Variants in CNGA4 observed in about 807,000 individuals in gnomAD.
The protein encoded by CNGA4 is cyclic nucleotide-gated channel alpha-4.
In CNGA4, 32 loss-of-function variants were observed where a neutral mutation model predicts 45.6. The observed-to-expected ratio is 0.70, with a 90% CI of 0.53 to 0.94. The LOEUF (loss-of-function observed/expected upper bound fraction) is 0.94, where lower values mean the gene tolerates loss of function less well. CNGA4 is among the 40% of genes least tolerant of loss of function. The pLI is 0.00. For synonymous variants in CNGA4, 293 were observed against 304.6 expected, an observed-to-expected ratio of 0.96 and a Z score of 0.40; for missense variants, 726 against 755.1, an observed-to-expected ratio of 0.96 and a Z score of 0.45.
At position 6,240,808 on chromosome 11, in the gene CNGA4, G is replaced by A; in HGVS notation, c.917+97G>A. ...CCTTAGTGCCTGGTGAGCCAGGCAA[G>A]GCTGTCAAAATGTAGCATTCAGCCG... On this transcript the variant is annotated intron_variant, in intron 4 of 5. Transcript: ENST00000379936. The surrounding 1 kb of genome is among the most constrained non-coding windows in gnomAD (Gnocchi z 4.9). 2 of 1,439,306 alleles carry A rather than the reference G, an allele frequency of 1.4e-6. No individual in the cohort carries two copies. The highest frequency in any genetic ancestry group is 1.9e-6 in the Non-Finnish European group (2 of 1,059,012). The allele number at this position is 1,439,306 out of a possible 1,614,324, so 89.2% of individuals were successfully genotyped here.
rs1847877628 is a variant in CNGA4, at chr11:6,239,414, G to A, written c.93G>A (p.Gly31=). Residue 31 remains glycine (G), a synonymous_variant, in exon 2 of 6, where the codon GGG becomes GGA. Coordinates refer to ENST00000379936, the MANE Select transcript of CNGA4 (RefSeq NM_001037329.4). ...RKLLPVLDPS[G]DYYYWWLNTM... Reference sequence around the variant, plus strand: ...TGCTGCCTGTCCTGGACCCATCTGGGGATTACTACTACTGGTGGCTGAACA... The same window carrying A: ...TGCTGCCTGTCCTGGACCCATCTGGAGATTACTACTACTGGTGGCTGAACA... 1.2e-6 allele frequency: 2 copies of A among 1,614,202 alleles called. No individual in the cohort carries two copies. Among genetic ancestry groups the A allele is most frequent in the Non-Finnish European group, 1.7e-6 (2 of 1,180,034 alleles).
chr11:6,239,928 C>A, intron 3 of CNGA4, 138 bp downstream of exon 3: 1 of 1,359,326 alleles, frequency 7.4e-7, no homozygotes, highest in Non-Finnish European at 1.0e-6. Flanking sequence ...CCAGTGCTCA[C>A]CCCGGAAAGC....
chr11:6,235,632 G>A, upstream of CNGA4: 2 of 828,416 alleles, frequency 2.4e-6, no homozygotes, highest in Non-Finnish European at 1.5e-6. Context: ...TTTCAGATAA[G>A]GCATGTAGTT....
In CNGA4 at chr11:6,242,020, C is replaced by T. The variant is rs1847926863; in HGVS notation, c.1267+240C>T. ...GTTCGTGGAAGAGAGAGTAGACTTG[C>T]TCTGTGGATATTCACCTGAAGCACC... On this transcript the variant is annotated intron_variant, in intron 5 of 5. Transcript: ENST00000379936. The T allele has an allele frequency of 5.4e-6, 3 of 551,210 alleles. No individual in the cohort carries two copies. The African/African-American group carries it at 5.6e-5, about 10-fold the overall frequency. The allele number at this position is 551,210 out of a possible 1,614,324, so 34.1% of individuals were successfully genotyped here. A position where few individuals can be genotyped will look rare whatever the true frequency, so the allele number is the denominator to read the frequency against.
chr11:6,240,631 C>T lies in CNGA4; in HGVS notation c.837C>T (p.Phe279=). 1 of 1,614,230 alleles carries T rather than the reference C, an allele frequency of 6.2e-7. No individual in the cohort carries two copies. Among genetic ancestry groups the T allele is most frequent in the East Asian group, 2.2e-5 (1 of 44,876 alleles). The change falls in exon 4 of 6, where the codon TTC becomes TTT. Residue 279 remains phenylalanine, a synonymous_variant. Transcript: ENST00000379936. The surrounding 1 kb of genome is among the most constrained non-coding windows in gnomAD (Gnocchi z 4.9). Reference sequence around the variant, plus strand: ...ACATGAACACTGCAGATGCGGCTTTCTACCCAGATCATGCACTGGTGAAGA... The same window carrying T: ...ACATGAACACTGCAGATGCGGCTTTTTACCCAGATCATGCACTGGTGAAGA... ...IYNMNTADAA[F]YPDHALVKKY...
At chr11:6,237,722 A>T (rs1014243195), upstream of CNGA4, among the ~76,000 whole-genome samples, 41 of 152,232 alleles carry the variant, frequency 2.7e-4, no homozygotes, top group Non-Finnish European at 8.8e-5. Context: ...CTTTGCAAAA[A>T]GAAATTAAGA....
At chr11:6,239,663 A>C in intron 2 of CNGA4, 21 bp from the exon 3 acceptor site, 1 of 1,612,384 alleles carries the variant, frequency 6.2e-7, no homozygotes, top group Non-Finnish European at 8.5e-7. Context: ...TAATTCAATC[A>C]TGCTTAACCC....
chr11:6,239,059 T>C (rs1847871569), upstream of CNGA4: 6 of 1,514,412 alleles, frequency 4.0e-6, no homozygotes, highest in Middle Eastern at 2.5e-4. Flanking sequence ...CTGGTTGTGT[T>C]GCTAAGAGCC....
rs1564878613 is a variant in CNGA4, at chr11:6,241,705, G to A, written c.1192G>A (p.Asp398Asn). 3 of 1,614,108 alleles carry A rather than the reference G, an allele frequency of 1.9e-6. No individual in the cohort carries two copies. The highest frequency in any genetic ancestry group is 2.5e-6 in the Non-Finnish European group (3 of 1,180,062). ...AGAGGGTCAACTGGCCGTGGTGGCA[G>A]ATGATGGTATCACACAGTATGCTGT... The part of the protein sequence containing the change: ...IREGQLAVVA[D>N]DGITQYAVLG... Residue 398 changes from aspartate (D) to asparagine (N), a missense_variant, in exon 5 of 6, where the codon GAT becomes AAT. Coordinates refer to ENST00000379936, the MANE Select transcript of CNGA4 (RefSeq NM_001037329.4).
chr11:6,244,432 C>A lies in CNGA4; in HGVS notation c.*23C>A. 5.7e-6 allele frequency: 9 copies of A among 1,580,682 alleles called. No homozygotes were observed. Among genetic ancestry groups the A allele is most frequent in the Non-Finnish European group, 7.8e-6 (9 of 1,160,992 alleles). On this transcript the variant is annotated 3_prime_UTR_variant, in exon 6 of 6. Transcript: ENST00000379936. This position sits in a 1 kb window ranked among gnomAD's most constrained non-coding sequence, Gnocchi z 4.5. Reference sequence around the variant, plus strand: ...TGACCCCATCCCCATCCCCAGGATTCCCACCTCCTAGTGAATCCAGAGTTG... The same window carrying A: ...TGACCCCATCCCCATCCCCAGGATTACCACCTCCTAGTGAATCCAGAGTTG...
At position 6,240,181 on chromosome 11, in the gene CNGA4, C is replaced by T. The variant is rs777605383; in HGVS notation, c.387C>T (p.Tyr129=). The T allele has an allele frequency of 1.9e-6, 3 of 1,614,212 alleles. No homozygotes were observed. The highest frequency in any genetic ancestry group is 2.5e-6 in the Non-Finnish European group (3 of 1,180,048). ...CCCTGATGCCCACAGATGTGGTCTA[C>T]GTGCGGCTGGGCCCGCACACACCCA... The part of the protein sequence containing the change: ...LASLMPTDVV[Y]VRLGPHTPTL... The change falls in exon 4 of 6, where the codon TAC becomes TAT. Residue 129 remains tyrosine (Y), a synonymous_variant. Coordinates refer to ENST00000379936, the MANE Select transcript of CNGA4 (RefSeq NM_001037329.4). The surrounding 1 kb of genome is among the most constrained non-coding windows in gnomAD (Gnocchi z 4.9).
intron 2 of CNGA4, 64 bp from the exon 3 acceptor site, chr11:6,239,620 C>T: frequency 1.3e-6 from 2 of 1,580,060 alleles, no homozygotes; most frequent in Non-Finnish European, 8.7e-7. Context: ...GTTAAGGGCC[C>T]TGGGGAGACG....
chr11:6,238,813 C>G (rs531539700), upstream of CNGA4, among the ~76,000 whole-genome samples: 1 of 152,276 alleles, frequency 6.6e-6, no homozygotes, highest in East Asian at 1.9e-4. Context: ...AGTGTTTGAT[C>G]CTACACTAAA....
chr11:6,240,345 G>A lies in CNGA4; in HGVS notation c.551G>A (p.Ser184Asn). The A allele has an allele frequency of 6.2e-7, 1 of 1,614,208 alleles. No homozygotes were observed. Among genetic ancestry groups the A allele is most frequent in the Non-Finnish European group, 8.5e-7 (1 of 1,180,038 alleles). The change falls in exon 4 of 6, where the codon AGC becomes AAC. Residue 184 changes from serine (S) to asparagine (N), a missense_variant. Coordinates refer to ENST00000379936, the MANE Select transcript of CNGA4 (RefSeq NM_001037329.4). This position sits in a 1 kb window ranked among gnomAD's most constrained non-coding sequence, Gnocchi z 4.9. ...LYIFVVIHWNSCLYFALSRYL... is the reference protein window; with the variant it reads ...LYIFVVIHWNNCLYFALSRYL... The stretch of plus-strand genomic sequence containing the variant: ...ATTTTTGTCGTCATCCATTGGAACA[G>A]CTGCCTATACTTTGCCCTATCCCGG...
At chr11:6,237,048 T>C (rs1434170090), upstream of CNGA4, among the ~76,000 whole-genome samples, 1 of 152,156 alleles carries the variant, frequency 6.6e-6, no homozygotes, top group East Asian at 1.9e-4. Flanking sequence ...AAACAGAACT[T>C]CTCACAATGT....
chr11:6,237,200 C>T (rs1213185797), upstream of CNGA4, among the ~76,000 whole-genome samples: 2 of 152,314 alleles, frequency 1.3e-5, no homozygotes, highest in Non-Finnish European at 2.9e-5. Flanking sequence ...TACAAACTAT[C>T]ACAAGGGAGT....
Position 6,244,306 on chromosome 11 carries a change from C to T in CNGA4, c.1625C>T (p.Pro542Leu). The change falls in exon 6 of 6, where the codon CCC becomes CTC. Residue 542 changes from proline (P) to leucine (L), a missense_variant. Transcript: ENST00000379936. This position sits in a 1 kb window ranked among gnomAD's most constrained non-coding sequence, Gnocchi z 4.5. ...TGGCAGACTCGAGAGTGGCCAATGC[C>T]CGAGGACCTGGCTGAGGCTGATGAC... is the stretch of plus-strand genomic sequence containing the variant. ...LEWQTREWPM[P>L]EDLAEADDEG... 1 of 1,614,090 alleles carries T rather than the reference C, an allele frequency of 6.2e-7. No individual in the cohort carries two copies. Among genetic ancestry groups the T allele is most frequent in the Non-Finnish European group, 8.5e-7 (1 of 1,180,016 alleles).
chr11:6,235,560 T>C, upstream of CNGA4: 1 of 984,468 alleles, frequency 1.0e-6, no homozygotes, highest in Non-Finnish European at 1.2e-6. Flanking sequence ...GAGGTGACGG[T>C]GTCTAAGCCG....
upstream of CNGA4, among the ~76,000 whole-genome samples, chr11:6,237,357 A>G (rs1847851374): frequency 6.6e-6 from 1 of 152,230 alleles, no homozygotes; most frequent in Non-Finnish European, 1.5e-5. Context: ...GAGCTTAGTT[A>G]TAGACCCAAT....
Sources: gnomAD v4.1 joint callset for allele counts (sites outside exome capture counted in the v4.1 genomes callset) on GRCh38, gnomAD v4.1.1 for gene constraint, Gnocchi (gnomAD v3.1) non-coding constraint, MANE v1.5 for transcripts, NCBI Gene and HGNC (gene_info 2026-07-23, HGNC 2026-07-21) for gene names.